The following STARD13 variants were observed in gnomAD, a reference collection of about 807,000 sequenced individuals.
STARD13 encodes the protein StAR related lipid transfer domain containing 13, also known as stAR-related lipid transfer protein 13.
Under a neutral mutation model 106.4 loss-of-function variants are expected in STARD13, and 62 were observed. The observed-to-expected ratio is 0.58, with a 90% CI of 0.48 to 0.72. The LOEUF (loss-of-function observed/expected upper bound fraction) is 0.72. Among genes scored for constraint, STARD13 ranks in the 30% least tolerant of loss-of-function variants. The pLI is 0.00. For missense variants in STARD13, 1,387 were observed against 1,424.0 expected (o/e 0.97, Z 0.42); for synonymous variants, 565 against 553.0 (o/e 1.02, Z -0.31).
chr13:33,576,865 C>T, the STARD13 span, among the ~76,000 whole-genome samples: 6 of 152,194 alleles, frequency 3.9e-5, no homozygotes, highest in Admixed American at 3.9e-4. Context: ...AATCCTCTTC[C>T]CTGGAAGTCA....
At chr13:33,546,672 C>T in the STARD13 span, among the ~76,000 whole-genome samples, 1 of 149,860 alleles carries the variant, frequency 6.7e-6, no homozygotes, top group Non-Finnish European at 1.5e-5. Flanking sequence ...TTGAGACAGT[C>T]TCACTCTGTC....
intron 1 of STARD13, among the ~76,000 whole-genome samples, chr13:33,172,130 T>A (rs1362072247): frequency 1.3e-5 from 2 of 152,268 alleles, no homozygotes; most frequent in Admixed American, 1.3e-4. Flanking sequence ...TAACTTTATA[T>A]ATGTTATCTG....
chr13:33,671,695 T>G, the STARD13 span, among the ~76,000 whole-genome samples: 1 of 152,110 alleles, frequency 6.6e-6, no homozygotes, highest in Non-Finnish European at 1.5e-5. Context: ...GGGCCACTGC[T>G]CTTCAGCCTG....
intron 1 of STARD13, among the ~76,000 whole-genome samples, chr13:33,335,651 G>C (rs1208185136): frequency 6.6e-6 from 1 of 152,236 alleles, no homozygotes; most frequent in Non-Finnish European, 1.5e-5. Flanking sequence ...GTACCATTAT[G>C]TAGTCTGTGC....
the STARD13 span, among the ~76,000 whole-genome samples, chr13:33,437,461 C>A: frequency 1.3e-5 from 2 of 152,122 alleles, no homozygotes; most frequent in African/African-American, 4.8e-5. Context: ...GCCTGCGGCT[C>A]GTCCTGCTAC....
the STARD13 span, among the ~76,000 whole-genome samples, chr13:33,606,049 C>T: frequency 6.6e-6 from 1 of 152,118 alleles, no homozygotes; most frequent in African/African-American, 2.4e-5. Flanking sequence ...CTTGTAATCC[C>T]AGCACTTTGG....
At chr13:33,378,816 A>G in the STARD13 span, among the ~76,000 whole-genome samples, 2 of 151,462 alleles carry the variant, frequency 1.3e-5, no homozygotes, top group Non-Finnish European at 2.9e-5. Context: ...AAAAAAGAAA[A>G]AAAGAAACAT....
At chr13:33,554,982 G>A in the STARD13 span, among the ~76,000 whole-genome samples, 14 of 152,178 alleles carry the variant, frequency 9.2e-5, no homozygotes, top group Non-Finnish European at 1.5e-5. Flanking sequence ...AGGTCTGGAT[G>A]TAGGGCCCAG....
chr13:33,109,972 T>G lies in STARD13; in HGVS notation c.2948A>C (p.Gln983Pro). ...GTCTAGAGTTTCCACAACCTTCCACTGCACAAAGTCCTCGTCCCACAGGTG... is the reference window on the plus strand; with the variant it reads ...GTCTAGAGTTTCCACAACCTTCCACGGCACAAAGTCCTCGTCCCACAGGTG... ...ERHLWDEDFV[Q>P]WKVVETLDRQ... The change falls in exon 12 of 14, where the codon CAG becomes CCG. Residue 983 changes from glutamine (Q) to proline (P), a missense_variant. Coordinates refer to ENST00000336934, the MANE Select transcript of STARD13 (RefSeq NM_178006.4). The G allele has an allele frequency of 6.2e-7, 1 of 1,614,244 alleles. No individual in the cohort carries two copies. Among genetic ancestry groups the G allele is most frequent in the Non-Finnish European group, 8.5e-7 (1 of 1,180,030 alleles).
intron 4 of STARD13, among the ~76,000 whole-genome samples, chr13:33,135,812 G>T (rs1400508579): frequency 6.6e-6 from 1 of 152,144 alleles, no homozygotes; most frequent in African/African-American, 2.4e-5. Flanking sequence ...TAACAAAGAA[G>T]AAACTTGTTG....
chr13:33,322,219 T>C (rs1026728652), intron 1 of STARD13, among the ~76,000 whole-genome samples: 4 of 152,200 alleles, frequency 2.6e-5, no homozygotes, highest in Non-Finnish European at 5.9e-5. Flanking sequence ...TATACAACTT[T>C]TCAAATCTGA....
chr13:33,386,584 G>T, the STARD13 span, among the ~76,000 whole-genome samples: 1 of 152,104 alleles, frequency 6.6e-6, no homozygotes, highest in African/African-American at 2.4e-5. Context: ...GTGCAGCCTG[G>T]AACTAAGGGA....
intron 1 of STARD13, among the ~76,000 whole-genome samples, chr13:33,331,113 C>T (rs1292159467): frequency 6.8e-6 from 1 of 146,242 alleles, no homozygotes; most frequent in African/African-American, 2.5e-5. Context: ...GCAAGCTCCT[C>T]ATCTGGCTCT....
the STARD13 span, among the ~76,000 whole-genome samples, chr13:33,505,922 T>C: frequency 6.6e-6 from 1 of 152,160 alleles, no homozygotes. Context: ...ATTTTCTTTA[T>C]ACTACTGAGA....
At chr13:33,147,038 A>G (rs1428975810) in intron 3 of STARD13, among the ~76,000 whole-genome samples, 1 of 152,212 alleles carries the variant, frequency 6.6e-6, no homozygotes, top group East Asian at 1.9e-4. Context: ...CCCAGTTCAC[A>G]GCGCTTGTCT....
chr13:33,267,645 C>T (rs1429757887), intron 1 of STARD13, among the ~76,000 whole-genome samples: 1 of 152,190 alleles, frequency 6.6e-6, no homozygotes, highest in Non-Finnish European at 1.5e-5. Context: ...CTAGTTTCCC[C>T]TGTACAGAAA....
At chr13:33,165,219 AG>A in intron 3 of STARD13, 117 bp downstream of exon 3, 2 of 778,818 alleles carry the variant, frequency 2.6e-6, no homozygotes, top group South Asian at 1.5e-5. Flanking sequence ...CACCTGGGTC[AG>A]GCACATGGTA....
At chr13:33,339,007 CT>C (rs2077929631) in intron 1 of STARD13, among the ~76,000 whole-genome samples, 1 of 152,028 alleles carries the variant, frequency 6.6e-6, no homozygotes, top group African/African-American at 2.4e-5. Context: ...ACACATGCCT[CT>C]GCTCCTCTAT....
chr13:33,586,841 T>A, the STARD13 span, among the ~76,000 whole-genome samples: 1 of 152,100 alleles, frequency 6.6e-6, no homozygotes. Context: ...CTGACATTGG[T>A]TCTCATGGGA....
Sources: allele counts gnomAD v4.1 joint callset (sites outside exome capture counted in the v4.1 genomes callset), GRCh38; gene constraint gnomAD v4.1.1; transcripts MANE v1.5; gene names NCBI Gene and HGNC (gene_info 2026-07-23, HGNC 2026-07-21).